CHD6: variants seen among roughly 807,000 people sequenced by gnomAD.
The protein encoded by CHD6 is ATP-dependent chromatin remodeler CHD6.
A neutral mutation model predicts 276.9 loss-of-function variants in CHD6; 50 were observed. That is an observed-to-expected ratio of 0.18 (90% CI 0.14 to 0.23). The LOEUF (loss-of-function observed/expected upper bound fraction) is 0.23. Among genes scored for constraint, CHD6 ranks in the 10% least tolerant of loss-of-function variants. The pLI is 1.00. For missense variants in CHD6, 2,564 were observed against 3,365.8 expected, an observed-to-expected ratio of 0.76 and a Z score of 5.89; for synonymous variants, 1,173 against 1,229.3, an observed-to-expected ratio of 0.95 and a Z score of 0.96.
chr20:41,431,054 C>T (rs1450239082), intron 27 of CHD6, among the ~76,000 whole-genome samples: 2 of 151,932 alleles, frequency 1.3e-5, no homozygotes, highest in Non-Finnish European at 2.9e-5. Flanking sequence ...AGGCTGGTCT[C>T]GAACTTCTGA....
intron 15 of CHD6, among the ~76,000 whole-genome samples, chr20:41,483,961 CAG>C (rs1477444060): frequency 6.6e-6 from 1 of 152,236 alleles, no homozygotes; most frequent in Non-Finnish European, 1.5e-5. Context: ...AATTTGTCTA[CAG>C]AGAGTTTTAA....
At chr20:41,590,760 T>C (rs1429334949) in intron 1 of CHD6, among the ~76,000 whole-genome samples, 8 of 152,048 alleles carry the variant, frequency 5.3e-5, no homozygotes, top group African/African-American at 1.9e-4. Flanking sequence ...ACACTGTTGG[T>C]GGGACTGTAA....
rs2046558671 is a variant in CHD6, at chr20:41,402,304, CCA to C, written c.*2287_*2288del. On this transcript the variant is annotated 3_prime_UTR_variant, in exon 37 of 37. Transcript: ENST00000373233. ...ACTTGTGCCTTACAGAGCAAATAAT[CCA>C]CAGAGTGTCATATTCATTTTGCAAA... 4.4e-6 allele frequency: 1 copy of C among 226,010 alleles called. No individual in the cohort carries two copies. Among genetic ancestry groups the C allele is most frequent in the East Asian group, 6.4e-5 (1 of 15,688 alleles). 14.0% of individuals were successfully genotyped at this position (226,010 alleles called of 1,614,324 possible). A position where few individuals can be genotyped will look rare whatever the true frequency, so the allele number is the denominator to read the frequency against.
intron 1 of CHD6, among the ~76,000 whole-genome samples, chr20:41,606,277 C>T (rs193001941): frequency 1.2e-3 from 185 of 151,902 alleles, no homozygotes; most frequent in Middle Eastern, 3.4e-3. Context: ...TTTGGGAGGC[C>T]AAGGCGGGCA....
In CHD6 at chr20:41,497,361, T is replaced by TTTTG. The variant is rs765953380; in HGVS notation, c.1092+22_1092+23insCAAA. ...TGCTGCAAGAAAAGCAGCAGTCAAATGAGTCAGTAAATATTGCTTCACCTC... is the reference window on the plus strand; with the variant it reads ...TGCTGCAAGAAAAGCAGCAGTCAAATTTTGGAGTCAGTAAATATTGCTTCACCTC... On this transcript the variant is annotated intron_variant, in intron 8 of 36. Coordinates refer to ENST00000373233, the MANE Select transcript of CHD6 (RefSeq NM_032221.5). 9 of 1,409,640 alleles carry TTTTG rather than the reference T, an allele frequency of 6.4e-6. No homozygotes were observed. The African/African-American group carries it at 1.3e-4, about 20-fold the overall frequency. 87.3% of individuals were successfully genotyped at this position (1,409,640 alleles called of 1,614,324 possible).
Position 41,597,722 on chromosome 20 carries a change from T to TC in CHD6, c.-24+20617dup, listed in dbSNP as rs1364610381. Among the ~76,000 whole-genome samples, 25 of 151,642 alleles carry TC rather than the reference T, an allele frequency of 1.6e-4. No individual in the cohort carries two copies. In the East Asian group the frequency reaches 4.6e-3, roughly 28 times the overall value. On this transcript the variant is annotated intron_variant, in intron 1 of 36. Coordinates refer to ENST00000373233, the MANE Select transcript of CHD6 (RefSeq NM_032221.5). ...TAAAGAAAAAAGCCTAATCTGTCTA[T>TC]CCTTTTTTTTTTCCTCTTCTCTTTC...
intron 23 of CHD6, among the ~76,000 whole-genome samples, chr20:41,450,649 G>C (rs1490022813): frequency 6.6e-6 from 1 of 152,112 alleles, no homozygotes; most frequent in Non-Finnish European, 1.5e-5. Flanking sequence ...GTGACCTCAG[G>C]GGCAGAGGAT....
chr20:41,590,454 A>C (rs1246680243), intron 1 of CHD6, among the ~76,000 whole-genome samples: 1 of 152,234 alleles, frequency 6.6e-6, no homozygotes, highest in Non-Finnish European at 1.5e-5. Context: ...AAATTTTTAC[A>C]ATCTACTCAT....
chr20:41,494,313 C>T (rs2043624421), intron 8 of CHD6, among the ~76,000 whole-genome samples: 1 of 152,160 alleles, frequency 6.6e-6, no homozygotes, highest in Non-Finnish European at 1.5e-5. Flanking sequence ...CAATAGTTAA[C>T]ACTGGCAGGG....
At chr20:41,574,415 G>A (rs2146214604) in intron 1 of CHD6, among the ~76,000 whole-genome samples, 1 of 152,084 alleles carries the variant, frequency 6.6e-6, no homozygotes, top group East Asian at 1.9e-4. Context: ...CTCTACTTGG[G>A]TATTATTTAG....
rs551934005 is a variant in CHD6 at position 41,456,328 on chromosome 20, A to G, written c.2830-349T>C. Among the ~76,000 whole-genome samples the G allele has an allele frequency of 3.6e-4, 55 of 152,102 alleles. No individual in the cohort carries two copies. In the Middle Eastern group the frequency reaches 0.01, roughly 28 times the overall value. Reference sequence around the variant, plus strand: ...TATTTTAGTTAGAGCTTGTATCTTTAAAAACCTCCAGATGTACCAAACAAG... The same window carrying G: ...TATTTTAGTTAGAGCTTGTATCTTTGAAAACCTCCAGATGTACCAAACAAG... On this transcript the variant is annotated intron_variant, in intron 18 of 36. Coordinates refer to ENST00000373233, the MANE Select transcript of CHD6 (RefSeq NM_032221.5).
At position 41,456,176 on chromosome 20, in the gene CHD6, G is replaced by A. The variant is rs547995642; in HGVS notation, c.2830-197C>T. 5.3e-5 allele frequency among the ~76,000 whole-genome samples: 8 copies of A among 152,114 alleles called. No individual in the cohort carries two copies. The East Asian group carries it at 1.4e-3, about 26-fold the overall frequency. On this transcript the variant is annotated intron_variant, in intron 18 of 36. Coordinates refer to ENST00000373233, the MANE Select transcript of CHD6 (RefSeq NM_032221.5). ...AGGGCAGGCAGACAGTCCTCTATAG[G>A]CAGCTCTGAAATAAAGCTCAGCACA...
intron 20 of CHD6, among the ~76,000 whole-genome samples, chr20:41,454,158 T>C (rs980951614): frequency 6.6e-6 from 1 of 152,224 alleles, no homozygotes; most frequent in Non-Finnish European, 1.5e-5. Context: ...GAAGGCATAC[T>C]CTGGTTTCAC....
At chr20:41,555,194 G>A (rs1197651706) in intron 1 of CHD6, among the ~76,000 whole-genome samples, 5 of 130,502 alleles carry the variant, frequency 3.8e-5, no homozygotes, top group South Asian at 5.0e-4. Context: ...GGGCAGAGGC[G>A]CCCCTCACCT....
At chr20:41,537,353 A>G (rs1168780499) in intron 2 of CHD6, among the ~76,000 whole-genome samples, 1 of 152,212 alleles carries the variant, frequency 6.6e-6, no homozygotes, top group Non-Finnish European at 1.5e-5. Flanking sequence ...AATATACTAC[A>G]ACAACTATTT....
intron 1 of CHD6, among the ~76,000 whole-genome samples, 163 bp from the exon 2 acceptor site, chr20:41,551,523 A>C (rs950609867): frequency 6.6e-6 from 1 of 152,230 alleles, no homozygotes; most frequent in Non-Finnish European, 1.5e-5. Context: ...ACACCTAATT[A>C]GATCTAACTC....
At chr20:41,514,088 G>T (rs577562448) in intron 4 of CHD6, among the ~76,000 whole-genome samples, 2 of 152,324 alleles carry the variant, frequency 1.3e-5, no homozygotes, top group East Asian at 3.9e-4. Flanking sequence ...TTAATACTAT[G>T]ACATTACTAG....
chr20:41,544,315 T>G (rs559936585), intron 2 of CHD6, among the ~76,000 whole-genome samples: 3 of 152,294 alleles, frequency 2.0e-5, no homozygotes, highest in African/African-American at 7.2e-5. Flanking sequence ...GCTAAAAATG[T>G]CACAGATCCA....
chr20:41,566,634 G>T (rs914508139), intron 1 of CHD6, among the ~76,000 whole-genome samples: 2 of 152,146 alleles, frequency 1.3e-5, no homozygotes, highest in Admixed American at 1.3e-4. Flanking sequence ...AATTACTCAT[G>T]CAAGTCAATC....
Sources: gnomAD v4.1 joint callset for allele counts (sites outside exome capture counted in the v4.1 genomes callset) on GRCh38, gnomAD v4.1.1 for gene constraint, MANE v1.5 for transcripts, NCBI Gene and HGNC (gene_info 2026-07-23, HGNC 2026-07-21) for gene names.